Variants in CADM2 observed in about 807,000 individuals in gnomAD.
CADM2 encodes the protein immunoglobulin superfamily member 4D.
Under a neutral mutation model 49.8 loss-of-function variants are expected in CADM2, and 12 were observed. The ratio of observed to expected loss-of-function variants is 0.24; its 90% CI spans 0.15 to 0.39. The LOEUF (loss-of-function observed/expected upper bound fraction) is 0.39. Among genes scored for constraint, CADM2 ranks in the 10% least tolerant of loss-of-function variants. The pLI, the probability that CADM2 is intolerant of heterozygous loss-of-function variation, is 1.00. For missense variants in CADM2, 378 were observed against 492.3 expected, an observed-to-expected ratio of 0.77 and a Z score of 2.20; for synonymous variants, 214 against 175.4, an observed-to-expected ratio of 1.22 and a Z score of -1.74.
intron 1 of CADM2, among the ~76,000 whole-genome samples, chr3:85,087,365 T>C (rs1402287365): frequency 6.6e-6 from 1 of 152,160 alleles, no homozygotes; most frequent in African/African-American, 2.4e-5. Flanking sequence ...GTAAACAATA[T>C]TATGTAACAG....
chr3:85,881,411 G>A (rs772432219), intron 3 of CADM2, among the ~76,000 whole-genome samples: 6 of 151,464 alleles, frequency 4.0e-5, no homozygotes, highest in East Asian at 1.9e-4. Context: ...TTTCTCATTC[G>A]GTTATGATTT....
chr3:84,988,167 GTGTC>G, intron 1 of CADM2, among the ~76,000 whole-genome samples: 1 of 152,326 alleles, frequency 6.6e-6, no homozygotes, highest in Non-Finnish European at 1.5e-5. Flanking sequence ...CTGTTTTGGA[GTGTC>G]TGGGAAACAA....
intron 1 of CADM2, among the ~76,000 whole-genome samples, chr3:85,227,416 A>T (rs141040572): frequency 9.7e-4 from 143 of 147,720 alleles, no homozygotes; most frequent in African/African-American, 3.2e-3. Flanking sequence ...CTTGGTTTAA[A>T]GTCTGCCTTA....
intron 1 of CADM2, among the ~76,000 whole-genome samples, chr3:85,212,874 C>CTTTCTTTCTT (rs2041826569): frequency 8.1e-6 from 1 of 122,706 alleles, no homozygotes; most frequent in African/African-American, 3.9e-5. Flanking sequence ...TTCTTTCTTT[C>CTTTCTTTCTT]TTTCTTTCTT....
At chr3:85,004,226 G>A (rs2033612277) in intron 1 of CADM2, among the ~76,000 whole-genome samples, 1 of 152,030 alleles carries the variant, frequency 6.6e-6, no homozygotes, top group Non-Finnish European at 1.5e-5. Context: ...TTGTAGAAGA[G>A]GGAAAGCAAC....
rs561527450 is a variant in CADM2 at position 85,512,976 on chromosome 3, A to C, written c.62-213546A>C. Among the ~76,000 whole-genome samples, 42 of 152,172 alleles carry C rather than the reference A, an allele frequency of 2.8e-4. 1 individual carries two copies. The highest frequency in any genetic ancestry group is 1.0e-3 in the African/African-American group (42 of 41,560). ...TGCTAGTTTTGCATTCACAACTTAG[A>C]GAAGAGGCCAAGTTTAATCATAGTT... On this transcript the variant is annotated intron_variant, in intron 1 of 9. Coordinates refer to ENST00000383699, the MANE Select transcript of CADM2 (RefSeq NM_001167675.2).
chr3:84,992,082 T>A (rs1428018235), intron 1 of CADM2, among the ~76,000 whole-genome samples: 1 of 152,160 alleles, frequency 6.6e-6, no homozygotes, highest in Non-Finnish European at 1.5e-5. Context: ...CTATTTGCCA[T>A]TATACATTTG....
At chr3:85,752,206 A>C (rs1384826206) in intron 2 of CADM2, among the ~76,000 whole-genome samples, 3 of 152,114 alleles carry the variant, frequency 2.0e-5, no homozygotes, top group Non-Finnish European at 4.4e-5. Context: ...ACTTTCAAAG[A>C]TGAGGCCTAG....
chr3:86,070,582 C>T lies in CADM2; in HGVS notation c.*3799C>T, dbSNP rs1490668225. Reference sequence around the variant, plus strand: ...TAATTACTTAGAGTCTCTAAAATTGCCCAATATTATTTCCCTTTGCAAATG... The same window carrying T: ...TAATTACTTAGAGTCTCTAAAATTGTCCAATATTATTTCCCTTTGCAAATG... On this transcript the variant is annotated 3_prime_UTR_variant, in exon 10 of 10. Transcript: ENST00000383699. The T allele has an allele frequency of 6.6e-6, 1 of 151,482 alleles. No homozygotes were observed. Among genetic ancestry groups the T allele is most frequent in the African/African-American group, 2.4e-5 (1 of 41,268 alleles). The allele number at this position is 151,482 out of a possible 1,614,324, so 9.4% of individuals were successfully genotyped here.
At chr3:85,637,640 T>TAAAATAAAATAAAATA (rs1393921606) in intron 1 of CADM2, among the ~76,000 whole-genome samples, 2 of 74,550 alleles carry the variant, frequency 2.7e-5, no homozygotes, top group Non-Finnish European at 5.8e-5. Context: ...ATAAAATAAA[T>TAAAATAAAATAAAATA]AAATAAATAA....
chr3:85,563,098 T>C (rs1396567730), intron 1 of CADM2, among the ~76,000 whole-genome samples: 2 of 152,112 alleles, frequency 1.3e-5, no homozygotes, highest in Non-Finnish European at 2.9e-5. Flanking sequence ...AATTATTAGA[T>C]AAGAAAATTT....
At chr3:85,365,202 T>A (rs1193491000) in intron 1 of CADM2, among the ~76,000 whole-genome samples, 2 of 147,852 alleles carry the variant, frequency 1.4e-5, no homozygotes, top group Non-Finnish European at 3.0e-5. Context: ...TTTTTTACTT[T>A]TTTTTTTTTT....
intron 7 of CADM2, among the ~76,000 whole-genome samples, chr3:85,952,976 G>C (rs1197132461): frequency 6.7e-6 from 1 of 149,230 alleles, no homozygotes; most frequent in Admixed American, 6.7e-5. Context: ...CAGGCTGGCT[G>C]TTTCTTACTT....
At chr3:85,387,698 A>C (rs1292312999) in intron 1 of CADM2, among the ~76,000 whole-genome samples, 1 of 152,170 alleles carries the variant, frequency 6.6e-6, no homozygotes. Context: ...ATTTGCTATT[A>C]TTTTGAAATA....
intron 1 of CADM2, among the ~76,000 whole-genome samples, chr3:85,352,276 A>G (rs577275344): frequency 5.9e-5 from 9 of 152,288 alleles, no homozygotes; most frequent in African/African-American, 2.2e-4. Context: ...TAAAAGCAGC[A>G]CTAGAAGACA....
At chr3:85,956,709 T>C (rs1291673353) in intron 7 of CADM2, among the ~76,000 whole-genome samples, 2 of 150,956 alleles carry the variant, frequency 1.3e-5, no homozygotes, top group East Asian at 4.0e-4. Context: ...GCAACTTGAA[T>C]ACTTTATCTA....
chr3:85,250,775 T>C (rs1343234781), intron 1 of CADM2, among the ~76,000 whole-genome samples: 1 of 151,722 alleles, frequency 6.6e-6, no homozygotes, highest in African/African-American at 2.4e-5. Flanking sequence ...CAATACTAAA[T>C]ACAAATGGAA....
chr3:84,963,994 A>G (rs1174783656), intron 1 of CADM2, among the ~76,000 whole-genome samples: 2 of 152,196 alleles, frequency 1.3e-5, no homozygotes, highest in African/African-American at 4.8e-5. Context: ...ATTGGTAATT[A>G]AGAAAATCTT....
At position 86,068,919 on chromosome 3, in the gene CADM2, A is replaced by G. The variant is rs1436606663; in HGVS notation, c.*2136A>G. On this transcript the variant is annotated 3_prime_UTR_variant, in exon 10 of 10. Coordinates refer to ENST00000383699, the MANE Select transcript of CADM2 (RefSeq NM_001167675.2). ...AGTTTGAGAGAATCAGGTAGGTGCT[A>G]CTAGACACATTGAAACTAGAATAGG... 2 of 152,376 alleles carry G rather than the reference A, an allele frequency of 1.3e-5. No individual in the cohort carries two copies. The highest frequency in any genetic ancestry group is 3.8e-4 in the East Asian group (2 of 5,198). 9.4% of individuals were successfully genotyped at this position (152,376 alleles called of 1,614,324 possible). A position where few individuals can be genotyped will look rare whatever the true frequency, so the allele number is the denominator to read the frequency against.
Sources: gnomAD v4.1 joint callset for allele counts (sites outside exome capture counted in the v4.1 genomes callset) on GRCh38, gnomAD v4.1.1 for gene constraint, MANE v1.5 for transcripts, NCBI Gene and HGNC (gene_info 2026-07-23, HGNC 2026-07-21) for gene names.